The following NEDD4L variants were observed in gnomAD, a reference collection of about 807,000 sequenced individuals.
The protein encoded by NEDD4L is E3 ubiquitin-protein ligase NEDD4-like.
In NEDD4L, 54 loss-of-function variants were observed where a neutral mutation model predicts 148.9. That is an observed-to-expected ratio of 0.36 (90% CI 0.29 to 0.45). NEDD4L has a LOEUF of 0.45. Ranked by LOEUF, NEDD4L falls within the 20% of genes least tolerant of loss-of-function variation. NEDD4L has a pLI of 1.00. For synonymous variants in NEDD4L, 433 were observed against 440.7 expected (o/e 0.98, Z 0.22); for missense variants, 856 against 1,233.8 (o/e 0.69, Z 4.59).
chr18:58,177,286 TG>T (rs2038282610), intron 2 of NEDD4L, among the ~76,000 whole-genome samples: 1 of 151,930 alleles, frequency 6.6e-6, no homozygotes, highest in South Asian at 2.1e-4. Context: ...GTAGAAAGAG[TG>T]TAAGAAGCTC....
chr18:58,161,008 TTTTC>T (rs2036134353), intron 1 of NEDD4L, among the ~76,000 whole-genome samples: 2 of 151,316 alleles, frequency 1.3e-5, no homozygotes, highest in South Asian at 4.3e-4. Context: ...ATAGGGTTGT[TTTTC>T]TTTCTTTCTT....
At chr18:58,387,174 C>G (rs1418938533) in intron 26 of NEDD4L, among the ~76,000 whole-genome samples, 2 of 152,228 alleles carry the variant, frequency 1.3e-5, no homozygotes, top group African/African-American at 4.8e-5. Context: ...GGAATCCACC[C>G]TGCCTACAGT....
intron 1 of NEDD4L, among the ~76,000 whole-genome samples, chr18:58,104,297 A>G (rs1323496875): frequency 6.6e-6 from 1 of 152,206 alleles, no homozygotes; most frequent in Non-Finnish European, 1.5e-5. Context: ...TTTGGTTTCT[A>G]AGATCACAGC....
chr18:58,244,528 A>G (rs2148398209), intron 2 of NEDD4L, among the ~76,000 whole-genome samples: 1 of 152,328 alleles, frequency 6.6e-6, no homozygotes, highest in African/African-American at 2.4e-5. Context: ...ATGATTAAAG[A>G]TAATGTGATG....
intron 5 of NEDD4L, among the ~76,000 whole-genome samples, chr18:58,294,537 T>G (rs1400747606): frequency 6.6e-6 from 1 of 152,248 alleles, no homozygotes; most frequent in Non-Finnish European, 1.5e-5. Flanking sequence ...ATAGTGATTT[T>G]TCTTCCACAA....
chr18:58,389,202 G>A lies in NEDD4L; in HGVS notation c.2655+10G>A, dbSNP rs1268733647. ...TCAGTGGTTCTGGAAGGTAACTCCG[G>A]GGCCCAGCCCCAGCCGGTGTCCTCC... On this transcript the variant is annotated intron_variant, in intron 28 of 30. Transcript: ENST00000400345. 18 of 1,602,928 alleles carry A rather than the reference G, an allele frequency of 1.1e-5. No individual in the cohort carries two copies. The highest frequency in any genetic ancestry group is 1.5e-5 in the Non-Finnish European group (18 of 1,170,488).
chr18:58,074,989 G>A (rs563520502), intron 1 of NEDD4L, among the ~76,000 whole-genome samples: 1 of 152,298 alleles, frequency 6.6e-6, no homozygotes, highest in East Asian at 1.9e-4. Flanking sequence ...AGAGTTGGAT[G>A]GACAGTGGTT....
chr18:58,163,780 A>G (rs4941349), intron 1 of NEDD4L, among the ~76,000 whole-genome samples: 76,326 of 151,902 alleles, frequency 0.5, 19,387 homozygotes, highest in Admixed American at 0.57. Flanking sequence ...GACTCCTGGA[A>G]TGTGAAGTAT....
At chr18:58,152,919 A>G (rs1466930171) in intron 1 of NEDD4L, among the ~76,000 whole-genome samples, 1 of 152,206 alleles carries the variant, frequency 6.6e-6, no homozygotes, top group Non-Finnish European at 1.5e-5. Flanking sequence ...CTGCAAGTCC[A>G]GTGTGGGAAA....
chr18:58,307,671 A>G (rs2057225367), intron 5 of NEDD4L, among the ~76,000 whole-genome samples: 3 of 152,214 alleles, frequency 2.0e-5, no homozygotes, highest in African/African-American at 4.8e-5. Flanking sequence ...ACAGCCAGGC[A>G]GTGGGATGGA....
Position 58,400,778 on chromosome 18 carries a change from T to C in NEDD4L, c.*4509T>C, listed in dbSNP as rs958945726. 5 of 152,234 alleles carry C rather than the reference T, an allele frequency of 3.3e-5. No individual in the cohort carries two copies. The highest frequency in any genetic ancestry group is 6.5e-5 in the Admixed American group (1 of 15,284). 9.4% of individuals were successfully genotyped at this position (152,234 alleles called of 1,614,324 possible). A position where few individuals can be genotyped will look rare whatever the true frequency, so the allele number is the denominator to read the frequency against. On this transcript the variant is annotated 3_prime_UTR_variant, in exon 31 of 31. Transcript: ENST00000400345. The stretch of plus-strand genomic sequence containing the variant: ...GACCATAACTCTGTGTCTGCAGATA[T>C]GTGTTCCCGTGTAAGCCAGTTTTCC...
Position 58,173,953 on chromosome 18 carries a change from C to A in NEDD4L, c.122+8092C>A, listed in dbSNP as rs80329664. 8.8e-3 allele frequency among the ~76,000 whole-genome samples: 1,339 copies of A among 152,310 alleles called. 14 individuals are homozygous for A. The highest frequency in any genetic ancestry group is 0.031 in the African/African-American group (1,269 of 41,562). The stretch of plus-strand genomic sequence containing the variant: ...CTAGAATAGTGATAAAAGCTTTTTA[C>A]TCTTGGTCTCTTTGCAAACTGGGGA... On this transcript the variant is annotated intron_variant, in intron 2 of 30. Transcript: ENST00000400345.
chr18:58,334,045 G>T, intron 12 of NEDD4L, 153 bp downstream of exon 12: 2 of 508,774 alleles, frequency 3.9e-6, no homozygotes, highest in South Asian at 8.5e-5. Flanking sequence ...CTAGGAAAGT[G>T]GATTTCCAAT....
intron 1 of NEDD4L, among the ~76,000 whole-genome samples, chr18:58,086,845 ATTCT>A (rs1337725159): frequency 2.0e-5 from 3 of 152,220 alleles, no homozygotes; most frequent in South Asian, 2.1e-4. Context: ...TCACACATTC[ATTCT>A]TTCTTTTCAG....
intron 18 of NEDD4L, among the ~76,000 whole-genome samples, chr18:58,353,332 T>C (rs371534229): frequency 2.0e-5 from 3 of 152,244 alleles, no homozygotes; most frequent in African/African-American, 4.8e-5. Context: ...TGTACAGAGC[T>C]TGATGCAACT....
intron 2 of NEDD4L, among the ~76,000 whole-genome samples, chr18:58,234,521 G>C (rs907412272): frequency 6.6e-6 from 1 of 152,000 alleles, no homozygotes; most frequent in African/African-American, 2.4e-5. Flanking sequence ...AAATCGTAGA[G>C]ATAGGGTCTC....
intron 1 of NEDD4L, among the ~76,000 whole-genome samples, chr18:58,135,535 ACTTT>A (rs1414685408): frequency 6.6e-6 from 1 of 152,166 alleles, no homozygotes; most frequent in East Asian, 1.9e-4. Context: ...GAGAAAAATC[ACTTT>A]CTTCTTCTCT....
In NEDD4L at chr18:58,353,232, T is replaced by G. The variant is rs974655287; in HGVS notation, c.1708+2187T>G. On this transcript the variant is annotated intron_variant, in intron 18 of 30. Transcript: ENST00000400345. ...AGATGCCTGGGCTTTTCCTTACTCC[T>G]GATCAGTTCTGCAGTTACTCCAGCA... 5.3e-4 allele frequency among the ~76,000 whole-genome samples: 81 copies of G among 152,250 alleles called. 1 individual carries two copies. The highest frequency in any genetic ancestry group is 5.2e-3 in the Admixed American group (79 of 15,284).
intron 5 of NEDD4L, among the ~76,000 whole-genome samples, chr18:58,268,834 G>A (rs2050611652): frequency 6.6e-6 from 1 of 152,050 alleles, no homozygotes; most frequent in Admixed American, 6.6e-5. Flanking sequence ...CAGAGGTTCT[G>A]TGTTTGAGGG....
Sources: allele counts gnomAD v4.1 joint callset (sites outside exome capture counted in the v4.1 genomes callset), GRCh38; gene constraint gnomAD v4.1.1; transcripts MANE v1.5; gene names NCBI Gene and HGNC (gene_info 2026-07-23, HGNC 2026-07-21).